KPNB1: variants seen among roughly 807,000 people sequenced by gnomAD.
KPNB1 encodes importin subunit beta-1.
Under a neutral mutation model 113.0 loss-of-function variants are expected in KPNB1, and 7 were observed. That is an observed-to-expected ratio of 0.06 (90% CI 0.04 to 0.12). The LOEUF (loss-of-function observed/expected upper bound fraction) is 0.12, where lower values mean the gene tolerates loss of function less well. Ranked by LOEUF, KPNB1 falls within the 10% of genes least tolerant of loss-of-function variation. The pLI is 1.00. For synonymous variants in KPNB1, 363 were observed against 378.6 expected (o/e 0.96, Z 0.48); for missense variants, 400 against 1,054.8 (o/e 0.38, Z 8.60).
In KPNB1 at chr17:47,662,589, A is replaced by G. The variant is rs189385054; in HGVS notation, c.697-500A>G. Among the ~76,000 whole-genome samples, 837 of 151,956 alleles carry G rather than the reference A, an allele frequency of 5.5e-3. 7 individuals are homozygous for G. Among genetic ancestry groups the G allele is most frequent in the African/African-American group, 0.019 (805 of 41,450 alleles). On this transcript the variant is annotated intron_variant, in intron 6 of 21. Coordinates refer to ENST00000290158, the MANE Select transcript of KPNB1 (RefSeq NM_002265.6). The stretch of plus-strand genomic sequence containing the variant: ...AGAAGACTGTCTCAAAAAAAAAAAA[A>G]AGAGAAAAATGGCCGGGCGCAGTGG...
In KPNB1 at chr17:47,685,015, AAGATGTC is replaced by A. The variant is rs1183614413; in HGVS notation, c.*2614_*2620del. 6.6e-6 allele frequency: 1 copy of A among 152,122 alleles called. No homozygotes were observed. Among genetic ancestry groups the A allele is most frequent in the Non-Finnish European group, 1.5e-5 (1 of 68,018 alleles). 9.4% of individuals were successfully genotyped at this position (152,122 alleles called of 1,614,324 possible). On this transcript the variant is annotated 3_prime_UTR_variant, in exon 22 of 22. Coordinates refer to ENST00000290158, the MANE Select transcript of KPNB1 (RefSeq NM_002265.6). The stretch of plus-strand genomic sequence containing the variant: ...AGAATGTAGTTACCGTCTGCTTGGG[AAGATGTC>A]AGTGCAAATGTGAAGATAATGGGCA...
intron 9 of KPNB1, 71 bp from the exon 10 acceptor site, chr17:47,668,115 A>T: frequency 1.7e-6 from 2 of 1,165,588 alleles, no homozygotes; most frequent in Non-Finnish European, 2.5e-6. Flanking sequence ...ATTCAAGAGT[A>T]GTCAGAGGAC....
At chr17:47,650,572 C>T (rs1025196483) in intron 2 of KPNB1, 128 bp downstream of exon 2, 118 of 746,226 alleles carry the variant, frequency 1.6e-4, no homozygotes, top group Non-Finnish European at 2.4e-4. Flanking sequence ...CCCCCCTCCC[C>T]CTCCCCCCCC....
chr17:47,651,295 A>G (rs1434710893), intron 2 of KPNB1: 4 of 985,152 alleles, frequency 4.1e-6, no homozygotes, highest in Non-Finnish European at 3.6e-6. Context: ...GATGCCAGTT[A>G]AGTTTCTCTT....
chr17:47,679,630 G>A (rs1171479088), intron 19 of KPNB1, among the ~76,000 whole-genome samples: 1 of 151,940 alleles, frequency 6.6e-6, no homozygotes, highest in Non-Finnish European at 1.5e-5. Context: ...TATAATAGTT[G>A]GAAATTTTGA....
Position 47,650,029 on chromosome 17 carries a change from G to A in KPNB1, c.-216G>A. The A allele has an allele frequency of 1.5e-5, 20 of 1,338,938 alleles. No individual in the cohort carries two copies. Among genetic ancestry groups the A allele is most frequent in the South Asian group, 1.2e-4 (6 of 50,432 alleles). The allele number at this position is 1,338,938 out of a possible 1,614,324, so 82.9% of individuals were successfully genotyped here. A position where few individuals can be genotyped will look rare whatever the true frequency, so the allele number is the denominator to read the frequency against. ...CCCCAGGGTCCCTCCCCCGCCGCCAGCAGCCCATTTGGAGGGAGGAAGTAA... is the reference window on the plus strand; with the variant it reads ...CCCCAGGGTCCCTCCCCCGCCGCCAACAGCCCATTTGGAGGGAGGAAGTAA... On this transcript the variant is annotated 5_prime_UTR_variant, in exon 1 of 22. Transcript: ENST00000290158.
intron 6 of KPNB1, chr17:47,662,325 C>G (rs1406581262): frequency 2.6e-5 from 4 of 152,810 alleles, no homozygotes; most frequent in Non-Finnish European, 5.8e-5. Flanking sequence ...TGGCTCACAC[C>G]TATAATACCA....
At chr17:47,669,587 A>T in intron 10 of KPNB1, 91 bp from the exon 11 acceptor site, 2 of 926,840 alleles carry the variant, frequency 2.2e-6, no homozygotes, top group Non-Finnish European at 3.3e-6. Flanking sequence ...TTTTTGAGTT[A>T]AGCCATCCAT....
chr17:47,660,848 C>A (rs973398706), intron 5 of KPNB1, among the ~76,000 whole-genome samples: 1 of 152,154 alleles, frequency 6.6e-6, no homozygotes, highest in Non-Finnish European at 1.5e-5. Context: ...TTTTCTGTTT[C>A]CTCCCTGAAG....
chr17:47,673,199 G>C, intron 13 of KPNB1, 34 bp downstream of exon 13: 1 of 1,604,504 alleles, frequency 6.2e-7, no homozygotes, highest in Non-Finnish European at 8.5e-7. Flanking sequence ...CTATGGGTGG[G>C]AATTGGGTAG....
chr17:47,673,339 GT>G, intron 13 of KPNB1, 150 bp from the exon 14 acceptor site: 1 of 860,674 alleles, frequency 1.2e-6, no homozygotes, highest in Non-Finnish European at 1.8e-6. Context: ...GTTTGTCATG[GT>G]TTACTCATAT....
intron 3 of KPNB1, among the ~76,000 whole-genome samples, chr17:47,653,601 G>C (rs1915639871): frequency 6.6e-6 from 1 of 152,178 alleles, no homozygotes; most frequent in African/African-American, 2.4e-5. Flanking sequence ...GGCACAAAGA[G>C]GAGTGAGTTA....
chr17:47,653,190 A>G (rs1567886777), intron 3 of KPNB1, among the ~76,000 whole-genome samples: 1 of 152,058 alleles, frequency 6.6e-6, no homozygotes, highest in African/African-American at 2.4e-5. Context: ...ACATTTGTAT[A>G]AAAATTAGGG....
At position 47,677,012 on chromosome 17, in the gene KPNB1, C is replaced by G. The variant is rs768042203; in HGVS notation, c.1996-8C>G. ...CTGTTAGAAGATTATTTCCTTGATT[C>G]TTGGCAGGTTTGTTTGGCAGCTGTG... On this transcript the variant is annotated splice_region_variant and splice_polypyrimidine_tract_variant and intron_variant, in intron 16 of 21. Coordinates refer to ENST00000290158, the MANE Select transcript of KPNB1 (RefSeq NM_002265.6). 2.6e-5 allele frequency: 42 copies of G among 1,609,202 alleles called. No individual in the cohort carries two copies. The highest frequency in any genetic ancestry group is 1.6e-4 in the Middle Eastern group (1 of 6,080).
chr17:47,658,709 G>A (rs761836572), intron 5 of KPNB1, 49 bp downstream of exon 5: 6 of 1,508,236 alleles, frequency 4.0e-6, no homozygotes, highest in Non-Finnish European at 5.4e-6. Flanking sequence ...AGGGATGAAA[G>A]AGTTGAATGA....
chr17:47,677,916 G>A (rs2030662186), intron 17 of KPNB1, 130 bp from the exon 18 acceptor site: 3 of 897,938 alleles, frequency 3.3e-6, no homozygotes, highest in South Asian at 3.4e-5. Context: ...AAATGGGAAA[G>A]GTTTTGTAAG....
intron 11 of KPNB1, 55 bp downstream of exon 11, chr17:47,669,924 A>G: frequency 7.7e-7 from 1 of 1,300,466 alleles, no homozygotes; most frequent in Non-Finnish European, 1.1e-6. Context: ...ACTGGCAAGA[A>G]AGTAGAAGGT....
chr17:47,668,978 AAG>A, intron 10 of KPNB1, among the ~76,000 whole-genome samples: 1 of 151,050 alleles, frequency 6.6e-6, no homozygotes, highest in Non-Finnish European at 1.5e-5. Flanking sequence ...AAAAAAAAAA[AAG>A]AGTTTGTTAT....
chr17:47,668,964 T>C, intron 10 of KPNB1, among the ~76,000 whole-genome samples: 1 of 146,916 alleles, frequency 6.8e-6, no homozygotes, highest in African/African-American at 2.5e-5. Context: ...AAACTCTATC[T>C]CAAAAAAAAA....
Sources: gnomAD v4.1 joint callset for allele counts (sites outside exome capture counted in the v4.1 genomes callset) on GRCh38, gnomAD v4.1.1 for gene constraint, MANE v1.5 for transcripts, NCBI Gene and HGNC (gene_info 2026-07-23, HGNC 2026-07-21) for gene names.